Variants in USP38 observed in about 807,000 individuals in gnomAD.
USP38 encodes the protein ubiquitin specific peptidase 38.
In USP38, 49 loss-of-function variants were observed where a neutral mutation model predicts 94.3. The observed-to-expected ratio is 0.52, with a 90% confidence interval of 0.41 to 0.66. The LOEUF (loss-of-function observed/expected upper bound fraction) is 0.66, where lower values mean the gene tolerates loss of function less well. Ranked by LOEUF, USP38 falls within the 30% of genes least tolerant of loss-of-function variation. The probability of loss-of-function intolerance (pLI) is 0.00; values close to 1 mark genes in which losing one functional copy is unlikely to be tolerated. For missense variants in USP38, 1,128 were observed against 1,229.4 expected (o/e 0.92, Z 1.23); for synonymous variants, 468 against 463.6 (o/e 1.01, Z -0.12).
chr4:143,186,342 G>A (rs930000270), intron 1 of USP38, among the ~76,000 whole-genome samples: 14 of 152,162 alleles, frequency 9.2e-5, no homozygotes, highest in African/African-American at 2.9e-4. Flanking sequence ...CCATTTTAAA[G>A]GTTGAGAACG....
In USP38 at chr4:143,221,068, T is replaced by C. The variant is rs1055780011; in HGVS notation, c.*612T>C. Reference sequence around the variant, plus strand: ...GGATTCTTTATACATATGTGCTGAATTGATTTTAAGAAAGTTGCATGATCC... The same window carrying C: ...GGATTCTTTATACATATGTGCTGAACTGATTTTAAGAAAGTTGCATGATCC... On this transcript the variant is annotated 3_prime_UTR_variant, in exon 10 of 10. Coordinates refer to ENST00000307017, the MANE Select transcript of USP38 (RefSeq NM_032557.6). 5 of 152,730 alleles carry C rather than the reference T, an allele frequency of 3.3e-5. No homozygotes were observed. The highest frequency in any genetic ancestry group is 2.0e-4 in the Admixed American group (3 of 15,282). The allele number at this position is 152,730 out of a possible 1,614,324, so 9.5% of individuals were successfully genotyped here. A position where few individuals can be genotyped will look rare whatever the true frequency, so the allele number is the denominator to read the frequency against.
chr4:143,215,655 T>A (rs959036053), intron 9 of USP38: 2 of 152,080 alleles, frequency 1.3e-5, no homozygotes, highest in Non-Finnish European at 2.9e-5. Context: ...GGTGAAATTC[T>A]AGGTACATTA....
Position 143,185,305 on chromosome 4 carries a change from G to C in USP38, c.-146G>C, listed in dbSNP as rs1005539095. The C allele has an allele frequency of 1.2e-6, 1 of 862,566 alleles. No homozygotes were observed. Among genetic ancestry groups the C allele is most frequent in the Non-Finnish European group, 1.7e-6 (1 of 576,734 alleles). The allele number at this position is 862,566 out of a possible 1,614,324, so 53.4% of individuals were successfully genotyped here. On this transcript the variant is annotated 5_prime_UTR_variant, in exon 1 of 10. Coordinates refer to ENST00000307017, the MANE Select transcript of USP38 (RefSeq NM_032557.6). ...TGGGTCTCCCTGCGCCATAAATGTG[G>C]CTGCTGAGGCGGCGGTGGCCGTGGC...
intron 2 of USP38, among the ~76,000 whole-genome samples, chr4:143,192,776 A>G (rs1049857111): frequency 1.3e-4 from 20 of 152,116 alleles, no homozygotes; most frequent in Admixed American, 6.5e-5. Flanking sequence ...GAGGGACACA[A>G]ACATTCAGAC....
chr4:143,192,827 T>A lies in USP38; in HGVS notation c.819-2889T>A, dbSNP rs577438233. 4.6e-5 allele frequency among the ~76,000 whole-genome samples: 7 copies of A among 152,302 alleles called. 1 individual carries two copies. The East Asian group carries it at 1.3e-3, about 29-fold the overall frequency. On this transcript the variant is annotated intron_variant, in intron 2 of 9. Coordinates refer to ENST00000307017, the MANE Select transcript of USP38 (RefSeq NM_032557.6). ...TTTGTGTAACATCTGATATGAAGTTTATTTATAGGTGGTCAGGAGATTGGC... is the reference window on the plus strand; with the variant it reads ...TTTGTGTAACATCTGATATGAAGTTAATTTATAGGTGGTCAGGAGATTGGC...
chr4:143,200,949 G>A (rs1329975548), intron 4 of USP38, among the ~76,000 whole-genome samples: 2 of 152,112 alleles, frequency 1.3e-5, no homozygotes, highest in Non-Finnish European at 2.9e-5. Flanking sequence ...TGGCCGTACT[G>A]CCCAAAGCAA....
chr4:143,197,913 G>A lies in USP38; in HGVS notation c.1039G>A (p.Ala347Thr). Residue 347 changes from alanine (A) to threonine (T), a missense_variant, in exon 4 of 10, where the codon GCG (alanine) becomes ACG (threonine). Transcript: ENST00000307017. ...MLLSFQHSPE[A>T]FHLIVPHVVN... ...GCTTAGCTTTCAGCATTCTCCAGAG[G>A]CGTTCCATTTGGTAAGTTATGACAT... 1 of 1,611,252 alleles carries A rather than the reference G, an allele frequency of 6.2e-7. No homozygotes were observed. Among genetic ancestry groups the A allele is most frequent in the Admixed American group, 1.7e-5 (1 of 59,708 alleles).
At position 143,212,320 on chromosome 4, in the gene USP38, G is replaced by A. The variant is rs753850124; in HGVS notation, c.1500G>A (p.Arg500=). ...HLFAFLAHTQ[R]EAYAPRIFFE... ...ATTTTCTCAATTGCTCTCAAAAGAG[G>A]GAAGCATACGCACCTCGGATATTCT... The change falls in exon 8 of 10, where the codon AGG becomes AGA. Residue 500 remains arginine (R), a splice_region_variant and synonymous_variant. Transcript: ENST00000307017. 2.5e-6 allele frequency: 4 copies of A among 1,604,620 alleles called. No individual in the cohort carries two copies. The Admixed American group carries it at 5.2e-5, about 21-fold the overall frequency.
At chr4:143,197,528 A>G (rs914800454) in intron 3 of USP38, among the ~76,000 whole-genome samples, 1 of 152,214 alleles carries the variant, frequency 6.6e-6, no homozygotes, top group Non-Finnish European at 1.5e-5. Context: ...ATATTTGTTG[A>G]GTGAACTGAA....
At chr4:143,213,533 C>A in intron 8 of USP38, 48 bp from the exon 9 acceptor site, 1 of 1,470,268 alleles carries the variant, frequency 6.8e-7, no homozygotes, top group Non-Finnish European at 9.1e-7. Flanking sequence ...ATAGAAATGA[C>A]ATTTGAAGTT....
chr4:143,202,192 A>G (rs1731734405), intron 4 of USP38, among the ~76,000 whole-genome samples: 1 of 152,166 alleles, frequency 6.6e-6, no homozygotes, highest in Non-Finnish European at 1.5e-5. Flanking sequence ...TAGCAATAGA[A>G]TGAACTCACT....
intron 2 of USP38, among the ~76,000 whole-genome samples, chr4:143,192,460 G>A (rs759766083): frequency 8.6e-5 from 13 of 151,918 alleles, no homozygotes; most frequent in South Asian, 4.2e-4. Context: ...CACTGTGCCC[G>A]GCCTTCAGTT....
chr4:143,220,372 TGACAAC>T lies in USP38; in HGVS notation c.3049_3054del (p.Asn1017_Asp1018del). On this transcript the variant is annotated inframe_deletion, in exon 10 of 10. Coordinates refer to ENST00000307017, the MANE Select transcript of USP38 (RefSeq NM_032557.6). The stretch of plus-strand genomic sequence containing the variant: ...GTTCATTTCGGCCCAATGGATTTGA[TGACAAC>T]GACCCACCAGGAAGCTGTGGACCAA... 6.2e-7 allele frequency: 1 copy of T among 1,613,534 alleles called. No individual in the cohort carries two copies. The highest frequency in any genetic ancestry group is 8.5e-7 in the Non-Finnish European group (1 of 1,179,664).
intron 1 of USP38, 45 bp from the exon 2 acceptor site, chr4:143,187,781 G>C (rs757352805): frequency 6.6e-7 from 1 of 1,525,094 alleles, no homozygotes; most frequent in Non-Finnish European, 8.8e-7. Context: ...TTAAATACTT[G>C]AACCTACTTG....
intron 9 of USP38, among the ~76,000 whole-genome samples, chr4:143,216,618 CAT>C (rs1732191710): frequency 6.6e-6 from 1 of 151,508 alleles, no homozygotes; most frequent in Non-Finnish European, 1.5e-5. Flanking sequence ...GGACTACAGG[CAT>C]GTGTCACCAT....
intron 2 of USP38, among the ~76,000 whole-genome samples, chr4:143,194,622 C>T (rs1430810259): frequency 6.6e-6 from 1 of 152,222 alleles, no homozygotes; most frequent in East Asian, 1.9e-4. Context: ...ATTCTCCTGC[C>T]TCAGCCTCCC....
In USP38 at chr4:143,214,146, T is replaced by A; in HGVS notation, c.2170T>A (p.Tyr724Asn). ...ACCTTCAGTAACTGACTTACTAAAT[T>A]ATTTTTTGGCTCCAGAGATTCTTAC... The part of the protein sequence containing the change: ...TTPSVTDLLN[Y>N]FLAPEILTGD... The change falls in exon 9 of 10, where the codon TAT (tyrosine) becomes AAT (asparagine). Residue 724 changes from tyrosine (Y) to asparagine (N), a missense_variant. By Grantham distance (143) the Tyr-to-Asn change is moderately radical. Coordinates refer to ENST00000307017, the MANE Select transcript of USP38 (RefSeq NM_032557.6). The A allele has an allele frequency of 6.2e-7, 1 of 1,612,716 alleles. No individual in the cohort carries two copies. The highest frequency in any genetic ancestry group is 8.5e-7 in the Non-Finnish European group (1 of 1,179,584).
At chr4:143,208,170 T>A (rs1731923973) in intron 6 of USP38, among the ~76,000 whole-genome samples, 1 of 152,150 alleles carries the variant, frequency 6.6e-6, no homozygotes, top group Non-Finnish European at 1.5e-5. Flanking sequence ...ATTGGGGCAA[T>A]ACAGATCCGT....
intron 2 of USP38, among the ~76,000 whole-genome samples, chr4:143,190,839 A>AT (rs1731376661): frequency 6.6e-6 from 1 of 152,106 alleles, no homozygotes; most frequent in South Asian, 2.1e-4. Context: ...TAATTAAGAC[A>AT]TTGTAGTGAC....
Sources: gnomAD v4.1 joint callset for allele counts (sites outside exome capture counted in the v4.1 genomes callset) on GRCh38, gnomAD v4.1.1 for gene constraint, MANE v1.5 for transcripts, NCBI Gene and HGNC (gene_info 2026-07-23, HGNC 2026-07-21) for gene names.